The following KCNMB2 variants were observed in gnomAD, a reference collection of about 807,000 sequenced individuals.
KCNMB2 encodes the protein calcium-activated potassium channel subunit beta-2.
A neutral mutation model predicts 24.5 loss-of-function variants in KCNMB2; 9 were observed. That is an observed-to-expected ratio of 0.37 (90% CI 0.22 to 0.64). The LOEUF is 0.64. Ranked by LOEUF, KCNMB2 falls within the 30% of genes least tolerant of loss-of-function variation. The pLI, the probability that KCNMB2 is intolerant of heterozygous loss-of-function variation, is 0.63. For synonymous variants in KCNMB2, 109 were observed against 104.4 expected, an observed-to-expected ratio of 1.04 and a Z score of -0.27; for missense variants, 226 against 284.3, an observed-to-expected ratio of 0.79 and a Z score of 1.47.
chr3:178,615,904 G>A (rs1245939878), intron 1 of KCNMB2, among the ~76,000 whole-genome samples: 1 of 152,092 alleles, frequency 6.6e-6, no homozygotes, highest in Admixed American at 6.5e-5. Context: ...TGCCAGGACT[G>A]GTTCCTTTCC....
At chr3:178,788,625 T>A (rs1348208570) in intron 1 of KCNMB2, among the ~76,000 whole-genome samples, 1 of 152,198 alleles carries the variant, frequency 6.6e-6, no homozygotes, top group Non-Finnish European at 1.5e-5. Flanking sequence ...TCAGGGAAAT[T>A]AACAATGTAT....
At chr3:178,759,230 A>G (rs1401044669) in intron 1 of KCNMB2, among the ~76,000 whole-genome samples, 1 of 120,490 alleles carries the variant, frequency 8.3e-6, no homozygotes, top group Non-Finnish European at 1.7e-5. Context: ...TATCTCCAAG[A>G]GGAGATAGAT....
At chr3:178,771,544 C>T (rs1245178618) in intron 1 of KCNMB2, among the ~76,000 whole-genome samples, 1 of 122,016 alleles carries the variant, frequency 8.2e-6, no homozygotes, top group Admixed American at 1.0e-4. Flanking sequence ...TACGGTGGTA[C>T]AATCATAGCT....
chr3:178,605,101 C>A (rs1393648723), intron 1 of KCNMB2, among the ~76,000 whole-genome samples: 1 of 152,112 alleles, frequency 6.6e-6, no homozygotes, highest in African/African-American at 2.4e-5. Context: ...TGTTTGTGTT[C>A]CCCTAAAATT....
In KCNMB2 at chr3:178,546,921, G is replaced by A. The variant is rs141060830; in HGVS notation, c.-68+10210G>A. On this transcript the variant is annotated intron_variant, in intron 1 of 4. Transcript: ENST00000452583. ...AAATGATGCTAGCCTAGCCCAGGCA[G>A]CTGTGAGATGGCGGAAAGATGGCCA... Among the ~76,000 whole-genome samples the A allele has an allele frequency of 2.0e-3, 301 of 152,352 alleles. 1 individual carries two copies. The highest frequency in any genetic ancestry group is 0.01 in the Middle Eastern group (3 of 294).
At chr3:178,579,507 A>C (rs1717119505) in intron 1 of KCNMB2, among the ~76,000 whole-genome samples, 1 of 152,192 alleles carries the variant, frequency 6.6e-6, no homozygotes. Context: ...GAAGACAAGA[A>C]ATAACTAAGA....
chr3:178,549,312 T>A (rs1257984906), intron 1 of KCNMB2, among the ~76,000 whole-genome samples: 1 of 149,092 alleles, frequency 6.7e-6, no homozygotes, highest in African/African-American at 2.4e-5. Context: ...TTATTTTCTT[T>A]TTTTTTTTTT....
At chr3:178,830,404 A>C (rs1469791427) in intron 4 of KCNMB2, among the ~76,000 whole-genome samples, 1 of 152,156 alleles carries the variant, frequency 6.6e-6, no homozygotes. Flanking sequence ...ACTACAAGTA[A>C]TTCTACCATG....
chr3:178,626,174 G>A (rs1441285734), intron 1 of KCNMB2, among the ~76,000 whole-genome samples: 1 of 152,170 alleles, frequency 6.6e-6, no homozygotes, highest in Non-Finnish European at 1.5e-5. Context: ...TAGTATAAGA[G>A]ATCTTGCAAA....
At chr3:178,653,578 G>T (rs1369199758) in intron 1 of KCNMB2, among the ~76,000 whole-genome samples, 1 of 151,986 alleles carries the variant, frequency 6.6e-6, no homozygotes, top group African/African-American at 2.4e-5. Flanking sequence ...GTTAAACAAG[G>T]CCTGGCCCTC....
intron 1 of KCNMB2, among the ~76,000 whole-genome samples, chr3:178,674,737 C>T (rs895781781): frequency 1.3e-5 from 2 of 152,250 alleles, no homozygotes; most frequent in East Asian, 3.9e-4. Flanking sequence ...ATAATAGAAG[C>T]CAATGTTTGC....
chr3:178,576,443 A>G (rs1716992955), intron 1 of KCNMB2, among the ~76,000 whole-genome samples: 1 of 152,184 alleles, frequency 6.6e-6, no homozygotes, highest in African/African-American at 2.4e-5. Context: ...AGCAAGCTGC[A>G]GGAATTTTTT....
intron 1 of KCNMB2, among the ~76,000 whole-genome samples, chr3:178,757,462 A>G (rs185385661): frequency 6.1e-5 from 4 of 65,588 alleles, no homozygotes; most frequent in African/African-American, 3.3e-4. Context: ...ATGTATATAT[A>G]TCCAAGAGGA....
chr3:178,720,216 T>C lies in KCNMB2; in HGVS notation c.-67-87127T>C, dbSNP rs1577124002. 4.0e-5 allele frequency among the ~76,000 whole-genome samples: 6 copies of C among 151,844 alleles called. No homozygotes were observed. The South Asian group carries it at 1.2e-3, about 32-fold the overall frequency. On this transcript the variant is annotated intron_variant, in intron 1 of 4. Coordinates refer to ENST00000452583, the MANE Select transcript of KCNMB2 (RefSeq NM_181361.3). ...TCATTGTTCAATTCCCATCTATGAG[T>C]GAGAACATGCAGTGTTTGGTTTTTT...
At chr3:178,692,240 T>C (rs1231767185) in intron 1 of KCNMB2, among the ~76,000 whole-genome samples, 1 of 152,220 alleles carries the variant, frequency 6.6e-6, no homozygotes, top group Non-Finnish European at 1.5e-5. Flanking sequence ...AGAAGCTCTT[T>C]AATTTAATTA....
chr3:178,648,476 AG>A (rs1719996253), intron 1 of KCNMB2, among the ~76,000 whole-genome samples: 1 of 152,220 alleles, frequency 6.6e-6, no homozygotes, highest in East Asian at 1.9e-4. Flanking sequence ...AGTTCAAGGC[AG>A]CACGCTGTGA....
At chr3:178,838,165 T>C (rs1715300197) in intron 4 of KCNMB2, among the ~76,000 whole-genome samples, 1 of 152,200 alleles carries the variant, frequency 6.6e-6, no homozygotes, top group Admixed American at 6.5e-5. Context: ...AGGGCATCTT[T>C]GAAGATGTCC....
intron 1 of KCNMB2, among the ~76,000 whole-genome samples, chr3:178,687,990 A>C (rs930361979): frequency 2.6e-5 from 4 of 152,184 alleles, no homozygotes; most frequent in Non-Finnish European, 4.4e-5. Context: ...AACTCAATCA[A>C]TGAAAGTTTG....
intron 1 of KCNMB2, among the ~76,000 whole-genome samples, chr3:178,783,577 G>A (rs897667759): frequency 1.3e-4 from 19 of 146,850 alleles, no homozygotes; most frequent in Non-Finnish European, 2.4e-4. Flanking sequence ...GTTCACTCAT[G>A]ATTTGGCTCT....
Sources: allele counts gnomAD v4.1 joint callset (sites outside exome capture counted in the v4.1 genomes callset), GRCh38; gene constraint gnomAD v4.1.1; transcripts MANE v1.5; gene names NCBI Gene and HGNC (gene_info 2026-07-23, HGNC 2026-07-21).